SOCS5: variants seen among roughly 807,000 people sequenced by gnomAD.
SOCS5 encodes CIS-6.
In SOCS5, 32 loss-of-function variants were observed where a neutral mutation model predicts 42.8. That is an observed-to-expected ratio of 0.75 (90% CI 0.56 to 1.01). The LOEUF (loss-of-function observed/expected upper bound fraction) is 1.01. Among genes scored for constraint, SOCS5 ranks in the 50% least tolerant of loss-of-function variants. SOCS5 has a pLI of 0.00. For synonymous variants in SOCS5, 283 were observed against 229.6 expected (o/e 1.23, Z -2.10); for missense variants, 627 against 653.0 (o/e 0.96, Z 0.43).
chr2:46,723,083 A>G (rs764401916), intron 1 of SOCS5, among the ~76,000 whole-genome samples: 2 of 152,052 alleles, frequency 1.3e-5, no homozygotes, highest in Non-Finnish European at 2.9e-5. Flanking sequence ...TCATTTGCCA[A>G]TATTTTCTCC....
At chr2:46,701,589 A>C (rs1045856851) in intron 1 of SOCS5, among the ~76,000 whole-genome samples, 3 of 151,822 alleles carry the variant, frequency 2.0e-5, no homozygotes, top group Non-Finnish European at 4.4e-5. Context: ...TGGTTTTTGG[A>C]TTATTTGTGA....
intron 1 of SOCS5, among the ~76,000 whole-genome samples, chr2:46,716,367 ATTTTTTTTTTTT>A (rs35187667): frequency 1.0e-3 from 17 of 17,046 alleles, no homozygotes; most frequent in East Asian, 2.6e-3. Context: ...GAGTGTCTTC[ATTTTTTTTTTTT>A]TTTTTTTTTT....
chr2:46,760,363 C>A lies in SOCS5; in HGVS notation c.*222C>A. The A allele has an allele frequency of 2.1e-6, 1 of 465,658 alleles. No homozygotes were observed. The highest frequency in any genetic ancestry group is 3.9e-6 in the Non-Finnish European group (1 of 256,420). The allele number at this position is 465,658 out of a possible 1,614,324, so 28.8% of individuals were successfully genotyped here. Reference sequence around the variant, plus strand: ...CAGGTGTTCAGTAAGACTACAAAAACATTTTGCCTATTTCGCTAACAGTTT... The same window carrying A: ...CAGGTGTTCAGTAAGACTACAAAAAAATTTTGCCTATTTCGCTAACAGTTT... On this transcript the variant is annotated 3_prime_UTR_variant, in exon 2 of 2. Transcript: ENST00000394861.
intron 1 of SOCS5, among the ~76,000 whole-genome samples, chr2:46,725,751 TC>T (rs1404551060): frequency 6.6e-6 from 1 of 152,194 alleles, no homozygotes; most frequent in Non-Finnish European, 1.5e-5. Flanking sequence ...ATACATTTTT[TC>T]CCTTGATATC....
At position 46,720,211 on chromosome 2, in the gene SOCS5, A is replaced by G. The variant is rs910650594; in HGVS notation, c.-13+20762A>G. Among the ~76,000 whole-genome samples the G allele has an allele frequency of 4.6e-5, 7 of 152,360 alleles. No individual in the cohort carries two copies. The East Asian group carries it at 1.3e-3, about 29-fold the overall frequency. On this transcript the variant is annotated intron_variant, in intron 1 of 1. Transcript: ENST00000394861. ...AAGTGATTAGTACAATTCCTTGCAC[A>G]TCCTTGCTGTTCAGTAATTAAGATT...
intron 1 of SOCS5, among the ~76,000 whole-genome samples, chr2:46,749,423 A>G (rs1673577137): frequency 1.3e-5 from 2 of 152,178 alleles, no homozygotes; most frequent in Non-Finnish European, 2.9e-5. Context: ...CTTGAATTTG[A>G]TTTTAGGTCC....
chr2:46,711,646 C>G (rs1276422004), intron 1 of SOCS5, among the ~76,000 whole-genome samples: 2 of 152,144 alleles, frequency 1.3e-5, no homozygotes, highest in African/African-American at 4.8e-5. Context: ...AATATTTCCT[C>G]TTATGCTAGT....
intron 1 of SOCS5, among the ~76,000 whole-genome samples, chr2:46,720,401 A>G (rs990569399): frequency 2.0e-5 from 3 of 152,070 alleles, no homozygotes; most frequent in Non-Finnish European, 4.4e-5. Context: ...TTAATAACAA[A>G]CTGTGATGAG....
At chr2:46,711,142 G>C (rs1311767563) in intron 1 of SOCS5, among the ~76,000 whole-genome samples, 3 of 152,130 alleles carry the variant, frequency 2.0e-5, no homozygotes, top group Non-Finnish European at 4.4e-5. Flanking sequence ...TTTGTGACAT[G>C]TTTTCTTTTC....
At chr2:46,729,340 A>AC (rs143248272) in intron 1 of SOCS5, among the ~76,000 whole-genome samples, 3 of 152,170 alleles carry the variant, frequency 2.0e-5, no homozygotes, top group African/African-American at 7.2e-5. Context: ...AAGTAGCCAT[A>AC]GTTGCTTAAC....
chr2:46,743,094 C>G (rs1448047932), intron 1 of SOCS5, among the ~76,000 whole-genome samples: 2 of 152,032 alleles, frequency 1.3e-5, no homozygotes, highest in African/African-American at 4.8e-5. Flanking sequence ...TTTCAGAAAA[C>G]TTGACTGTTA....
At chr2:46,715,361 A>T (rs1228623286) in intron 1 of SOCS5, among the ~76,000 whole-genome samples, 1 of 146,576 alleles carries the variant, frequency 6.8e-6, no homozygotes, top group African/African-American at 2.5e-5. Context: ...GACAGAGAGT[A>T]ACACCCTGTC....
At chr2:46,727,635 C>G (rs2103722104) in intron 1 of SOCS5, among the ~76,000 whole-genome samples, 1 of 152,256 alleles carries the variant, frequency 6.6e-6, no homozygotes, top group African/African-American at 2.4e-5. Flanking sequence ...CAGTATCAGT[C>G]TGATACTGTT....
intron 1 of SOCS5, among the ~76,000 whole-genome samples, chr2:46,758,217 A>G (rs1485596725): frequency 6.6e-6 from 1 of 152,254 alleles, no homozygotes; most frequent in Non-Finnish European, 1.5e-5. Flanking sequence ...AGGTTGAAGC[A>G]CGGGAAAAAG....
At chr2:46,701,571 A>G (rs938572648) in intron 1 of SOCS5, among the ~76,000 whole-genome samples, 11 of 152,080 alleles carry the variant, frequency 7.2e-5, no homozygotes, top group South Asian at 2.1e-4. Context: ...TCTCGTGCCA[A>G]CTGTTAATGG....
intron 1 of SOCS5, among the ~76,000 whole-genome samples, chr2:46,728,570 T>G (rs987296971): frequency 6.6e-6 from 1 of 152,190 alleles, no homozygotes; most frequent in Non-Finnish European, 1.5e-5. Context: ...TATTTCTTCC[T>G]TTTCAAGATA....
At chr2:46,729,989 C>G (rs1673080521) in intron 1 of SOCS5, among the ~76,000 whole-genome samples, 1 of 152,042 alleles carries the variant, frequency 6.6e-6, no homozygotes, top group South Asian at 2.1e-4. Flanking sequence ...TTGTTAAAGA[C>G]TAAGATACAA....
intron 1 of SOCS5, among the ~76,000 whole-genome samples, chr2:46,746,089 A>G (rs887799528): frequency 6.6e-6 from 1 of 151,940 alleles, no homozygotes; most frequent in African/African-American, 2.4e-5. Context: ...CCTGGGATCA[A>G]TATTATGAAG....
At chr2:46,702,498 A>G (rs1672366416) in intron 1 of SOCS5, among the ~76,000 whole-genome samples, 1 of 152,246 alleles carries the variant, frequency 6.6e-6, no homozygotes. Flanking sequence ...ATTTGCAGAT[A>G]TTCCAGTGAA....
Sources: gnomAD v4.1 joint callset for allele counts (sites outside exome capture counted in the v4.1 genomes callset) on GRCh38, gnomAD v4.1.1 for gene constraint, MANE v1.5 for transcripts, NCBI Gene and HGNC (gene_info 2026-07-23, HGNC 2026-07-21) for gene names.